The following PCDH15 variants were observed in gnomAD, a reference collection of about 807,000 sequenced individuals.
PCDH15 encodes the protein protocadherin-15.
A neutral mutation model predicts 178.5 loss-of-function variants in PCDH15; 129 were observed. The observed-to-expected ratio is 0.72, with a 90% CI of 0.63 to 0.84. PCDH15 has a LOEUF of 0.84. Among genes scored for constraint, PCDH15 ranks in the 40% least tolerant of loss-of-function variants. The pLI, the probability that PCDH15 is intolerant of heterozygous loss-of-function variation, is 0.00. For synonymous variants in PCDH15, 800 were observed against 732.0 expected (o/e 1.09, Z -1.50); for missense variants, 2,230 against 2,099.9 (o/e 1.06, Z -1.21).
At chr10:54,680,206 C>T (rs2094873523) in intron 1 of PCDH15, among the ~76,000 whole-genome samples, 2 of 151,928 alleles carry the variant, frequency 1.3e-5, no homozygotes, top group African/African-American at 4.8e-5. Context: ...AAAGAGAAGC[C>T]CCTAACCAAA....
intron 1 of PCDH15, among the ~76,000 whole-genome samples, chr10:54,738,408 A>G (rs1022161653): frequency 6.6e-6 from 1 of 152,116 alleles, no homozygotes; most frequent in African/African-American, 2.4e-5. Context: ...TAGTATTTTT[A>G]TGGTCGTCAG....
At chr10:54,096,765 A>G (rs551371706) in intron 15 of PCDH15, among the ~76,000 whole-genome samples, 2 of 152,310 alleles carry the variant, frequency 1.3e-5, no homozygotes, top group South Asian at 4.1e-4. Flanking sequence ...ACTTCTAAAT[A>G]CCATCACGTT....
chr10:55,495,010 T>C (rs1010533180), intron 2 of PCDH15, among the ~76,000 whole-genome samples: 9 of 151,750 alleles, frequency 5.9e-5, no homozygotes, highest in Non-Finnish European at 1.3e-4. Flanking sequence ...GTGTCAAAAA[T>C]AGCTTTTCAA....
intron 1 of PCDH15, among the ~76,000 whole-genome samples, chr10:54,771,647 T>C (rs1949105383): frequency 6.6e-6 from 1 of 151,986 alleles, no homozygotes; most frequent in Admixed American, 6.6e-5. Flanking sequence ...TTTAACAAAA[T>C]TGCCAATCCA....
intron 3 of PCDH15, among the ~76,000 whole-genome samples, chr10:54,492,071 A>G (rs2079647551): frequency 1.3e-5 from 2 of 152,162 alleles, no homozygotes; most frequent in Admixed American, 1.3e-4. Flanking sequence ...ATTTCCCTTT[A>G]AAAGGACAGC....
At chr10:54,607,215 A>G (rs1412294741) in intron 2 of PCDH15, among the ~76,000 whole-genome samples, 1 of 152,108 alleles carries the variant, frequency 6.6e-6, no homozygotes, top group Non-Finnish European at 1.5e-5. Flanking sequence ...TTACATAAAG[A>G]AAATACAATA....
chr10:54,019,066 C>T (rs755165241), intron 20 of PCDH15, among the ~76,000 whole-genome samples: 2 of 151,944 alleles, frequency 1.3e-5, no homozygotes, highest in Non-Finnish European at 2.9e-5. Flanking sequence ...CTTTTTCCTC[C>T]CTCCACTGCC....
chr10:54,726,944 C>G (rs543791029), intron 1 of PCDH15, among the ~76,000 whole-genome samples: 1 of 151,302 alleles, frequency 6.6e-6, no homozygotes, highest in East Asian at 2.0e-4. Flanking sequence ...ATTTGCATCT[C>G]TGAAAGAAAG....
chr10:55,602,963 G>T (rs1407705003), intron 2 of PCDH15, among the ~76,000 whole-genome samples: 1 of 152,028 alleles, frequency 6.6e-6, no homozygotes, highest in Non-Finnish European at 1.5e-5. Context: ...AAATTCAAAC[G>T]AAAGGCAAAG....
chr10:54,632,795 C>T (rs954554713), intron 2 of PCDH15, among the ~76,000 whole-genome samples: 17 of 151,924 alleles, frequency 1.1e-4, no homozygotes, highest in African/African-American at 3.6e-4. Context: ...AATTCTCAAA[C>T]GCTAAGATAT....
At chr10:54,134,482 G>A (rs11004089) in intron 14 of PCDH15, among the ~76,000 whole-genome samples, 2 of 151,804 alleles carry the variant, frequency 1.3e-5, no homozygotes, top group African/African-American at 2.4e-5. Context: ...GGCTGGGCAC[G>A]GTGGCTCACA....
At chr10:55,369,155 T>C (rs1056432755) in intron 2 of PCDH15, among the ~76,000 whole-genome samples, 1 of 151,892 alleles carries the variant, frequency 6.6e-6, no homozygotes, top group Non-Finnish European at 1.5e-5. Flanking sequence ...TGTAACCTTA[T>C]CAACTAAAGC....
chr10:55,087,754 G>A (rs1189370793), intron 2 of PCDH15, among the ~76,000 whole-genome samples: 3 of 152,056 alleles, frequency 2.0e-5, no homozygotes, highest in African/African-American at 4.8e-5. Flanking sequence ...GATCACAACA[G>A]GATATCTTAA....
Position 54,195,629 on chromosome 10 carries a change from A to G in PCDH15, c.1305+54T>C, listed in dbSNP as rs2049524706. Reference sequence around the variant, plus strand: ...CATATCTTTGTCATATTTCCCATTAATGGAAATATGAGATTTGTTACACAA... The same window carrying G: ...CATATCTTTGTCATATTTCCCATTAGTGGAAATATGAGATTTGTTACACAA... On this transcript the variant is annotated intron_variant, in intron 11 of 37. Coordinates refer to ENST00000644397, the MANE Select transcript of PCDH15 (RefSeq NM_001384140.1). 3.5e-6 allele frequency: 5 copies of G among 1,435,684 alleles called. No homozygotes were observed. The African/African-American group carries it at 5.7e-5, about 16-fold the overall frequency. The allele number at this position is 1,435,684 out of a possible 1,614,324, so 88.9% of individuals were successfully genotyped here.
intron 2 of PCDH15, among the ~76,000 whole-genome samples, chr10:55,081,241 G>T (rs1417118812): frequency 1.3e-5 from 2 of 152,092 alleles, no homozygotes; most frequent in East Asian, 3.9e-4. Context: ...TCTTTTAGAT[G>T]TTCTAGTTGA....
chr10:55,305,463 C>T (rs1189179311), intron 1 of PCDH15, among the ~76,000 whole-genome samples: 1 of 152,178 alleles, frequency 6.6e-6, no homozygotes, highest in East Asian at 1.9e-4. Context: ...AAAGTGAAAG[C>T]CTGTAGCCAG....
chr10:54,078,703 C>T (rs1180721035), intron 17 of PCDH15, among the ~76,000 whole-genome samples: 5 of 151,072 alleles, frequency 3.3e-5, no homozygotes, highest in South Asian at 4.2e-4. Flanking sequence ...TGAATGAGAT[C>T]GTTCAAATAA....
chr10:54,548,671 GT>G (rs147580508), intron 2 of PCDH15, among the ~76,000 whole-genome samples: 2,980 of 146,954 alleles, frequency 0.02, 83 homozygotes, highest in African/African-American at 0.068. Context: ...ACATATGTTT[GT>G]TTCACATATA....
intron 3 of PCDH15, among the ~76,000 whole-genome samples, chr10:54,505,512 A>C (rs543976833): frequency 6.6e-6 from 1 of 152,228 alleles, no homozygotes; most frequent in African/African-American, 2.4e-5. Context: ...CAACAGTTTT[A>C]CATGTAATGA....
Sources: gnomAD v4.1 joint callset for allele counts (sites outside exome capture counted in the v4.1 genomes callset) on GRCh38, gnomAD v4.1.1 for gene constraint, MANE v1.5 for transcripts, NCBI Gene and HGNC (gene_info 2026-07-23, HGNC 2026-07-21) for gene names.